Variants in CD99L2 observed in about 807,000 individuals in gnomAD.
CD99L2 encodes the protein CD99 molecule like 2.
CD99L2 carries 24 observed loss-of-function variants against 27.3 expected under a neutral mutation model. The ratio of observed to expected loss-of-function variants is 0.88; its 90% CI spans 0.64 to 1.24. The LOEUF is 1.24. CD99L2 is among the 50% of genes most tolerant of loss of function. CD99L2 has a pLI of 0.00. For synonymous variants in CD99L2, 97 were observed against 87.9 expected (o/e 1.10, Z -0.58); for missense variants, 255 against 221.6 (o/e 1.15, Z -0.96).
chrX:150,891,909 A>C (rs1490704924), intron 1 of CD99L2, among the ~76,000 whole-genome samples: 1 of 112,009 alleles, frequency 8.9e-6, no homozygotes, highest in Non-Finnish European at 1.9e-5. Context: ...AATAACATGC[A>C]AAGTACAAAA....
intron 4 of CD99L2, among the ~76,000 whole-genome samples, chrX:150,809,629 C>A (rs145312612): frequency 4.5e-5 from 5 of 111,580 alleles, no homozygotes; most frequent in Non-Finnish European, 9.4e-5. Flanking sequence ...ACAACCTGTA[C>A]AGGATGTTAC....
At chrX:150,885,996 T>C (rs1032128407) in intron 1 of CD99L2, among the ~76,000 whole-genome samples, 21 of 112,502 alleles carry the variant, frequency 1.9e-4, no homozygotes, top group South Asian at 1.1e-3. Flanking sequence ...AGATTGGTGA[T>C]GCATATGGTC....
chrX:150,883,740 G>C (rs782559829), intron 1 of CD99L2, among the ~76,000 whole-genome samples: 21 of 111,422 alleles, frequency 1.9e-4, no homozygotes, highest in African/African-American at 6.5e-4. Context: ...CCAAGCACAC[G>C]AGGAAATAAA....
At chrX:150,789,637 C>A (rs1557419665) in intron 7 of CD99L2, among the ~76,000 whole-genome samples, 1 of 111,686 alleles carries the variant, frequency 9.0e-6, no homozygotes, top group Non-Finnish European at 1.9e-5. Flanking sequence ...TGTATCCCAG[C>A]ATATTGGGAG....
In CD99L2 at chrX:150,787,457, C is replaced by G. The variant is rs782191067; in HGVS notation, c.496+6234G>C. On this transcript the variant is annotated intron_variant, in intron 7 of 10. Transcript: ENST00000370377. ...CTTCTGCATATGGCCAGCCAGTTAT[C>G]CCAGCACCATTTATTGAATAAAGAG... Among the ~76,000 whole-genome samples the G allele has an allele frequency of 3.4e-3, 374 of 111,051 alleles. 2 individuals are homozygous for G. The highest frequency in any genetic ancestry group is 8.4e-3 in the Admixed American group (88 of 10,468).
chrX:150,844,988 G>A (rs577356680), intron 1 of CD99L2, among the ~76,000 whole-genome samples: 2 of 112,423 alleles, frequency 1.8e-5, no homozygotes, highest in African/African-American at 6.4e-5. Flanking sequence ...GTATCTAAGC[G>A]TCCGTATGTA....
chrX:150,857,675 C>G (rs1557421797), intron 1 of CD99L2, among the ~76,000 whole-genome samples: 1 of 111,646 alleles, frequency 9.0e-6, no homozygotes, highest in Non-Finnish European at 1.9e-5. Flanking sequence ...GTAGAAAACT[C>G]AATGGTAAAG....
intron 9 of CD99L2, chrX:150,771,668 T>C: frequency 1.5e-6 from 1 of 680,422 alleles, no homozygotes; most frequent in Admixed American, 2.7e-5. Flanking sequence ...CTAAAGATGG[T>C]CCTGGTTACA....
At chrX:150,881,974 C>T (rs1054022739) in intron 1 of CD99L2, among the ~76,000 whole-genome samples, 2 of 110,498 alleles carry the variant, frequency 1.8e-5, no homozygotes, top group South Asian at 3.9e-4. Context: ...CCCGCCAACA[C>T]GCCCAGCTAA....
intron 4 of CD99L2, among the ~76,000 whole-genome samples, chrX:150,812,353 A>T (rs1192743408): frequency 8.9e-6 from 1 of 112,153 alleles, no homozygotes; most frequent in Non-Finnish European, 1.9e-5. Context: ...TCTCAAACTC[A>T]ATAGTAAGAA....
intron 10 of CD99L2, among the ~76,000 whole-genome samples, chrX:150,769,825 C>CA (rs1443177887): frequency 3.5e-5 from 4 of 113,106 alleles, no homozygotes; most frequent in African/African-American, 9.6e-5. Flanking sequence ...AAATTGCCAA[C>CA]AGCTCCTGAA....
At chrX:150,837,741 C>A (rs1316103515) in intron 1 of CD99L2, among the ~76,000 whole-genome samples, 1 of 111,799 alleles carries the variant, frequency 8.9e-6, no homozygotes, top group Admixed American at 9.5e-5. Context: ...TAAGTATCTA[C>A]GAGTCCATGC....
intron 7 of CD99L2, among the ~76,000 whole-genome samples, chrX:150,789,410 C>T (rs948977839): frequency 2.7e-5 from 3 of 111,996 alleles, no homozygotes; most frequent in Non-Finnish European, 5.6e-5. Flanking sequence ...GCGTGAGCCA[C>T]CACGCCCGGC....
chrX:150,778,464 TG>T (rs782670012), intron 7 of CD99L2, among the ~76,000 whole-genome samples: 19 of 53,020 alleles, frequency 3.6e-4, no homozygotes, highest in Non-Finnish European at 4.9e-4. Context: ...TCTGGCAGGG[TG>T]GGGGGGTATT....
chrX:150,837,528 G>GTT (rs1359556284), intron 1 of CD99L2, among the ~76,000 whole-genome samples: 4 of 112,063 alleles, frequency 3.6e-5, no homozygotes, highest in Non-Finnish European at 7.5e-5. Flanking sequence ...GATTACAGGC[G>GTT]TGAGCCACTG....
At chrX:150,872,919 G>A (rs781894517) in intron 1 of CD99L2, among the ~76,000 whole-genome samples, 1 of 111,936 alleles carries the variant, frequency 8.9e-6, no homozygotes, top group South Asian at 3.8e-4. Flanking sequence ...CTGTTCAGTT[G>A]GCCCCAACCT....
chrX:150,856,294 T>C (rs1368290227), intron 1 of CD99L2, among the ~76,000 whole-genome samples: 2 of 112,607 alleles, frequency 1.8e-5, no homozygotes, highest in East Asian at 5.6e-4. Context: ...GCAAACAGAA[T>C]ATTCTAACTT....
intron 1 of CD99L2, among the ~76,000 whole-genome samples, chrX:150,858,438 T>C (rs1438516341): frequency 8.8e-6 from 1 of 113,030 alleles, no homozygotes; most frequent in Non-Finnish European, 1.9e-5. Context: ...ATGTGGAACA[T>C]TCTGCAAGGC....
intron 4 of CD99L2, among the ~76,000 whole-genome samples, chrX:150,800,924 G>A (rs961893456): frequency 9.1e-6 from 1 of 109,524 alleles, no homozygotes; most frequent in Non-Finnish European, 1.9e-5. Flanking sequence ...CCGGCTACTC[G>A]GGAGGCTGAG....
Sources: allele counts gnomAD v4.1 joint callset (sites outside exome capture counted in the v4.1 genomes callset), GRCh38; gene constraint gnomAD v4.1.1; transcripts MANE v1.5; gene names NCBI Gene and HGNC (gene_info 2026-07-23, HGNC 2026-07-21).